Variants in OSBP2 observed in about 807,000 individuals in gnomAD.
OSBP2 encodes oxysterol binding protein 2.
Under a neutral mutation model 96.0 loss-of-function variants are expected in OSBP2, and 66 were observed. The ratio of observed to expected loss-of-function variants is 0.69; its 90% CI spans 0.56 to 0.84. OSBP2 has a LOEUF of 0.84. Among genes scored for constraint, OSBP2 ranks in the 40% least tolerant of loss-of-function variants. The pLI, the probability that OSBP2 is intolerant of heterozygous loss-of-function variation, is 0.00. For synonymous variants in OSBP2, 525 were observed against 520.9 expected (o/e 1.01, Z -0.11); for missense variants, 1,038 against 1,222.7 (o/e 0.85, Z 2.25).
intron 1 of OSBP2, among the ~76,000 whole-genome samples, chr22:30,737,130 C>T (rs557969628): frequency 5.3e-5 from 8 of 152,244 alleles, no homozygotes; most frequent in African/African-American, 1.9e-4. Context: ...ATTCTCCTGC[C>T]TCAGCCTCCT....
At chr22:30,898,083 A>G (rs1316463585) in intron 12 of OSBP2, among the ~76,000 whole-genome samples, 1 of 152,212 alleles carries the variant, frequency 6.6e-6, no homozygotes, top group African/African-American at 2.4e-5. Flanking sequence ...TATTAGAGAA[A>G]GTTCAACATA....
At chr22:30,893,590 G>C (rs766969292) in intron 10 of OSBP2, 24 bp downstream of exon 10, 3 of 1,612,918 alleles carry the variant, frequency 1.9e-6, no homozygotes, top group African/African-American at 2.7e-5. Context: ...TTGGGGAGGG[G>C]GTGCATGGCC....
chr22:30,872,302 C>T (rs1569159446), intron 3 of OSBP2: 1 of 456,652 alleles, frequency 2.2e-6, no homozygotes, highest in Non-Finnish European at 4.4e-6. Flanking sequence ...TTCCCTGTCC[C>T]TCCCAGAAGC....
chr22:30,830,294 T>C (rs2038493862), intron 2 of OSBP2, among the ~76,000 whole-genome samples: 1 of 152,246 alleles, frequency 6.6e-6, no homozygotes, highest in Non-Finnish European at 1.5e-5. Flanking sequence ...TAATGATTCC[T>C]GACGCATATC....
chr22:30,771,345 G>T (rs1006594528), intron 2 of OSBP2, among the ~76,000 whole-genome samples: 5 of 152,254 alleles, frequency 3.3e-5, no homozygotes, highest in Non-Finnish European at 7.3e-5. Flanking sequence ...AAGGCAAGTT[G>T]CTGAGGGCAC....
At position 30,890,677 on chromosome 22, in the gene OSBP2, T is replaced by G. The variant is rs2147158436; in HGVS notation, c.1624-51T>G. ...ACATCCGAGAAAAGCAAGGGCACCA[T>G]GCCAAGCCGGGGCTGGTGCCCAGCC... On this transcript the variant is annotated intron_variant, in intron 7 of 13. Coordinates refer to ENST00000332585, the MANE Select transcript of OSBP2 (RefSeq NM_030758.4). This position sits in a 1 kb window ranked among gnomAD's most constrained non-coding sequence, Gnocchi z 4.4. 1 of 1,597,428 alleles carries G rather than the reference T, an allele frequency of 6.3e-7. No homozygotes were observed. The highest frequency in any genetic ancestry group is 2.2e-5 in the East Asian group (1 of 44,710).
chr22:30,807,293 CACATTTTCTCTGAA>C (rs1205612298), intron 2 of OSBP2, among the ~76,000 whole-genome samples: 1 of 152,198 alleles, frequency 6.6e-6, no homozygotes, highest in Non-Finnish European at 1.5e-5. Context: ...CATTTTCTAC[CACATTTTCTCTGAA>C]TTCTGTCGCT....
At chr22:30,748,615 CTG>C (rs1201197194) in intron 2 of OSBP2, among the ~76,000 whole-genome samples, 2 of 152,204 alleles carry the variant, frequency 1.3e-5, no homozygotes, top group African/African-American at 4.8e-5. Context: ...CAGAAGAAGA[CTG>C]TGGTGTTGCG....
chr22:30,860,880 G>T (rs2039196892), intron 2 of OSBP2, among the ~76,000 whole-genome samples: 1 of 152,200 alleles, frequency 6.6e-6, no homozygotes. Context: ...CCATTTCTGT[G>T]CCTGTGTGAC....
At chr22:30,830,946 C>T (rs1350482447) in intron 2 of OSBP2, among the ~76,000 whole-genome samples, 1 of 152,034 alleles carries the variant, frequency 6.6e-6, no homozygotes, top group African/African-American at 2.4e-5. Context: ...CACGTTATCG[C>T]AGGCTTTGTG....
chr22:30,733,022 A>G (rs1488284126), intron 1 of OSBP2, among the ~76,000 whole-genome samples: 1 of 152,196 alleles, frequency 6.6e-6, no homozygotes, highest in Non-Finnish European at 1.5e-5. Flanking sequence ...GAGGCACTAC[A>G]GGCAGGGAAG....
At chr22:30,889,974 T>C (rs2039908191) in intron 7 of OSBP2, among the ~76,000 whole-genome samples, 1 of 152,052 alleles carries the variant, frequency 6.6e-6, no homozygotes. Context: ...TGGGGCTGTG[T>C]GTGGAGGGGT....
At chr22:30,788,323 G>T (rs1276221881) in intron 2 of OSBP2, among the ~76,000 whole-genome samples, 1 of 152,106 alleles carries the variant, frequency 6.6e-6, no homozygotes, top group Non-Finnish European at 1.5e-5. Flanking sequence ...TTCTGCAGTT[G>T]CTGCCAAAGC....
rs1012338921 is a variant in OSBP2 at position 30,907,064 on chromosome 22, G to C, written c.*725G>C. The C allele has an allele frequency of 6.6e-6, 1 of 152,576 alleles. No individual in the cohort carries two copies. Among genetic ancestry groups the C allele is most frequent in the African/African-American group, 2.4e-5 (1 of 41,444 alleles). 9.5% of individuals were successfully genotyped at this position (152,576 alleles called of 1,614,324 possible). A position where few individuals can be genotyped will look rare whatever the true frequency, so the allele number is the denominator to read the frequency against. On this transcript the variant is annotated 3_prime_UTR_variant, in exon 14 of 14. Transcript: ENST00000332585. Reference sequence around the variant, plus strand: ...TGGTAACCCCCATGTGGATTTGAGGGCAGCAGTCCCTGGCCTCACCCTAGC... The same window carrying C: ...TGGTAACCCCCATGTGGATTTGAGGCCAGCAGTCCCTGGCCTCACCCTAGC...
intron 2 of OSBP2, among the ~76,000 whole-genome samples, chr22:30,785,996 T>C (rs752956579): frequency 2.0e-5 from 3 of 150,824 alleles, no homozygotes; most frequent in Non-Finnish European, 4.4e-5. Context: ...TTTATAGCAA[T>C]ATGAGAATGG....
At chr22:30,840,202 A>G (rs2038719811) in intron 2 of OSBP2, among the ~76,000 whole-genome samples, 1 of 147,140 alleles carries the variant, frequency 6.8e-6, no homozygotes, top group Non-Finnish European at 1.5e-5. Context: ...TAAAACTTCA[A>G]GTGTAATAAA....
chr22:30,821,250 C>A (rs532913079), intron 2 of OSBP2, among the ~76,000 whole-genome samples: 59 of 152,238 alleles, frequency 3.9e-4, no homozygotes, highest in African/African-American at 1.4e-3. Context: ...CAGCGTCTGA[C>A]ATACAGTGTA....
intron 12 of OSBP2, chr22:30,902,514 G>C (rs1277718714): frequency 5.9e-6 from 9 of 1,519,782 alleles, no homozygotes; most frequent in Non-Finnish European, 8.2e-6. Flanking sequence ...AAGCTTCAGG[G>C]ATGACTTCTT....
upstream of OSBP2, among the ~76,000 whole-genome samples, chr22:30,694,643 A>C (rs75438243): frequency 1 from 151,587 of 151,596 alleles, 75,789 homozygotes; most frequent in Middle Eastern, 1. Flanking sequence ...GAGTTGACCG[A>C]CCACCAAGCT....
Sources: gnomAD v4.1 joint callset for allele counts (sites outside exome capture counted in the v4.1 genomes callset) on GRCh38, gnomAD v4.1.1 for gene constraint, Gnocchi (gnomAD v3.1) non-coding constraint, MANE v1.5 for transcripts, NCBI Gene and HGNC (gene_info 2026-07-23, HGNC 2026-07-21) for gene names.